The following KCNH7 variants were observed in gnomAD, a reference collection of about 807,000 sequenced individuals.
KCNH7 encodes potassium voltage-gated channel subfamily H member 7, also known as voltage-gated inwardly rectifying potassium channel KCNH7.
A neutral mutation model predicts 120.8 loss-of-function variants in KCNH7; 49 were observed. The ratio of observed to expected loss-of-function variants is 0.41; its 90% CI spans 0.32 to 0.51. The LOEUF is 0.51. Among genes scored for constraint, KCNH7 ranks in the 20% least tolerant of loss-of-function variants. The probability of loss-of-function intolerance (pLI) is 0.38; values close to 1 mark genes in which losing one functional copy is unlikely to be tolerated. For missense variants in KCNH7, 1,097 were observed against 1,446.6 expected (o/e 0.76, Z 3.92); for synonymous variants, 547 against 516.1 (o/e 1.06, Z -0.81).
In KCNH7 at chr2:162,373,658, C is replaced by A; in HGVS notation, c.3136G>T (p.Glu1046Ter). The A allele has an allele frequency of 6.6e-7, 1 of 1,506,178 alleles. No homozygotes were observed. The highest frequency in any genetic ancestry group is 8.9e-7 in the Non-Finnish European group (1 of 1,124,370). 93.3% of individuals were successfully genotyped at this position (1,506,178 alleles called of 1,614,324 possible). Residue 1046 changes from glutamate to a stop codon, truncating the protein, a stop_gained, in exon 15 of 16, where the codon GAA becomes TAA. Transcript: ENST00000332142. LOFTEE classifies it high-confidence loss of function. ...TGGATGTCAGTGGTCATTTGGGATT[C>A]AAGCCTACAGAACAGACAGAAGTAG... ...DLLQEQLNRLESQMTTDIQTI... is the reference protein window; with the variant it reads ...DLLQEQLNRL
intron 6 of KCNH7, among the ~76,000 whole-genome samples, chr2:162,451,121 A>C (rs1472758009): frequency 6.6e-6 from 1 of 152,030 alleles, no homozygotes; most frequent in Non-Finnish European, 1.5e-5. Flanking sequence ...TATGCCATTT[A>C]ATCTCTAGAC....
At chr2:162,655,308 C>T (rs968320862) in intron 2 of KCNH7, among the ~76,000 whole-genome samples, 1 of 152,054 alleles carries the variant, frequency 6.6e-6, no homozygotes, top group Admixed American at 6.5e-5. Flanking sequence ...GTTTATTATT[C>T]CTCTTTTCAA....
chr2:162,658,956 T>A (rs1430723308), intron 2 of KCNH7, among the ~76,000 whole-genome samples: 1 of 152,198 alleles, frequency 6.6e-6, no homozygotes, highest in African/African-American at 2.4e-5. Flanking sequence ...TTAAAGCTTT[T>A]ATTTCCTTTT....
At chr2:162,747,805 G>T (rs1170738303) in intron 2 of KCNH7, among the ~76,000 whole-genome samples, 1 of 152,102 alleles carries the variant, frequency 6.6e-6, no homozygotes, top group Non-Finnish European at 1.5e-5. Flanking sequence ...CATTTTTAAA[G>T]GAAAAATGTT....
intron 2 of KCNH7, among the ~76,000 whole-genome samples, chr2:162,728,011 T>C (rs1687589726): frequency 1.3e-5 from 2 of 152,212 alleles, no homozygotes; most frequent in South Asian, 4.1e-4. Flanking sequence ...ACATATGTTT[T>C]CATTTCTCTT....
chr2:162,526,127 C>A (rs367756763), intron 3 of KCNH7, among the ~76,000 whole-genome samples: 1 of 151,772 alleles, frequency 6.6e-6, no homozygotes, highest in Admixed American at 6.6e-5. Context: ...TTCCGTGATG[C>A]CCCCTGAGCT....
intron 2 of KCNH7, among the ~76,000 whole-genome samples, chr2:162,542,477 A>C (rs1295865843): frequency 7.7e-6 from 1 of 130,558 alleles, no homozygotes; most frequent in African/African-American, 2.9e-5. Context: ...TTCAATTCCC[A>C]TCTATGAGTG....
intron 2 of KCNH7, among the ~76,000 whole-genome samples, chr2:162,806,679 T>C (rs1451858007): frequency 2.0e-5 from 3 of 152,168 alleles, no homozygotes; most frequent in African/African-American, 7.2e-5. Flanking sequence ...TAAAAATTGT[T>C]CTAATCTGGC....
chr2:162,614,186 G>A (rs1423154709), intron 2 of KCNH7, among the ~76,000 whole-genome samples: 1 of 151,886 alleles, frequency 6.6e-6, no homozygotes, highest in Non-Finnish European at 1.5e-5. Flanking sequence ...CTTTTAAAGT[G>A]CCTAATCTAC....
intron 2 of KCNH7, among the ~76,000 whole-genome samples, chr2:162,585,027 C>A (rs1391573459): frequency 6.6e-6 from 1 of 151,242 alleles, no homozygotes; most frequent in Non-Finnish European, 1.5e-5. Context: ...CAGAGTGTAA[C>A]TGAATACTAA....
intron 2 of KCNH7, among the ~76,000 whole-genome samples, chr2:162,823,810 T>C (rs1475491279): frequency 6.6e-6 from 1 of 152,162 alleles, no homozygotes; most frequent in Non-Finnish European, 1.5e-5. Context: ...TCATTCTTTA[T>C]ATTTTAAATT....
intron 2 of KCNH7, among the ~76,000 whole-genome samples, chr2:162,540,775 ATTTGACTTAAAACT>A (rs1241896014): frequency 1.3e-5 from 2 of 152,048 alleles, no homozygotes; most frequent in Non-Finnish European, 2.9e-5. Flanking sequence ...GGTTAGCATG[ATTTGACTTAAAACT>A]TTCCTTCACA....
chr2:162,566,778 G>T (rs139697535), intron 2 of KCNH7, among the ~76,000 whole-genome samples: 1 of 152,042 alleles, frequency 6.6e-6, no homozygotes, highest in African/African-American at 2.4e-5. Context: ...TTTGTAAATA[G>T]CTAAATATCA....
intron 2 of KCNH7, among the ~76,000 whole-genome samples, chr2:162,722,370 G>A (rs1191869500): frequency 6.6e-6 from 1 of 151,898 alleles, no homozygotes; most frequent in Non-Finnish European, 1.5e-5. Context: ...TACTGAATAA[G>A]AAAATAAAAT....
chr2:162,776,199 T>C (rs1438613681), intron 2 of KCNH7, among the ~76,000 whole-genome samples: 1 of 152,206 alleles, frequency 6.6e-6, no homozygotes, highest in Non-Finnish European at 1.5e-5. Context: ...GGAATATAAA[T>C]GATCCCTTCC....
intron 14 of KCNH7, among the ~76,000 whole-genome samples, chr2:162,374,886 T>A (rs549597350): frequency 6.6e-6 from 1 of 152,272 alleles, no homozygotes; most frequent in South Asian, 2.1e-4. Flanking sequence ...TTTGCAAATG[T>A]CAAAACCACT....
At chr2:162,546,738 T>C (rs904808861) in intron 2 of KCNH7, among the ~76,000 whole-genome samples, 2 of 152,180 alleles carry the variant, frequency 1.3e-5, no homozygotes, top group Non-Finnish European at 1.5e-5. Flanking sequence ...ATGAATAAAA[T>C]AAATTGTAGA....
intron 2 of KCNH7, among the ~76,000 whole-genome samples, chr2:162,566,113 T>C (rs187390589): frequency 3.1e-4 from 47 of 152,050 alleles, no homozygotes; most frequent in African/African-American, 1.1e-3. Context: ...CAAAAGATAT[T>C]CACCTAAGAG....
chr2:162,671,395 T>G (rs1172960307), intron 2 of KCNH7, among the ~76,000 whole-genome samples: 2 of 151,616 alleles, frequency 1.3e-5, no homozygotes, highest in African/African-American at 2.4e-5. Context: ...AAATCATGTT[T>G]TTTTTTTTTT....
Sources: allele counts gnomAD v4.1 joint callset (sites outside exome capture counted in the v4.1 genomes callset), GRCh38; gene constraint gnomAD v4.1.1; transcripts MANE v1.5; gene names NCBI Gene and HGNC (gene_info 2026-07-23, HGNC 2026-07-21).